Variants in SNX29 observed in about 807,000 individuals in gnomAD.
SNX29 encodes sorting nexin 29.
In SNX29, 78 loss-of-function variants were observed where a neutral mutation model predicts 102.1. The observed-to-expected ratio is 0.76, with a 90% CI of 0.64 to 0.92. The LOEUF (loss-of-function observed/expected upper bound fraction) is 0.92, where lower values mean the gene tolerates loss of function less well. Among genes scored for constraint, SNX29 ranks in the 40% least tolerant of loss-of-function variants. The probability of loss-of-function intolerance (pLI) is 0.00; values close to 1 mark genes in which losing one functional copy is unlikely to be tolerated. For missense variants in SNX29, 1,280 were observed against 1,061.7 expected, an observed-to-expected ratio of 1.21 and a Z score of -2.86; for synonymous variants, 580 against 414.5, an observed-to-expected ratio of 1.40 and a Z score of -4.85.
At chr16:12,187,994 A>T (rs748109469) in intron 13 of SNX29, among the ~76,000 whole-genome samples, 6 of 152,124 alleles carry the variant, frequency 3.9e-5, no homozygotes, top group Non-Finnish European at 5.9e-5. Flanking sequence ...GGGGAAGAGG[A>T]CTCAGTCGTT....
Position 12,423,989 on chromosome 16 carries a change from T to A in SNX29, c.2037+20460T>A, listed in dbSNP as rs79525972. ...CTGTTTCTCACCAGAGAGTGTGAGG[T>A]CCATGAAGTGAAGTTCTAAGCATAT... On this transcript the variant is annotated intron_variant, in intron 18 of 20. Coordinates refer to ENST00000566228, the MANE Select transcript of SNX29 (RefSeq NM_032167.5). 3.7e-3 allele frequency among the ~76,000 whole-genome samples: 562 copies of A among 152,248 alleles called. 5 individuals are homozygous for A. The highest frequency in any genetic ancestry group is 0.037 in the East Asian group (189 of 5,176).
chr16:12,057,432 T>C (rs2050565519), intron 8 of SNX29, among the ~76,000 whole-genome samples: 1 of 152,102 alleles, frequency 6.6e-6, no homozygotes, highest in African/African-American at 2.4e-5. Flanking sequence ...GCTGACCTCA[T>C]AGACAGCTGG....
intron 15 of SNX29, among the ~76,000 whole-genome samples, chr16:12,299,354 C>T (rs527499194): frequency 1.3e-5 from 2 of 152,258 alleles, no homozygotes; most frequent in South Asian, 4.1e-4. Context: ...TTTTCCAGTT[C>T]ATCACAGTAA....
chr16:12,099,251 C>T (rs1009129572), intron 11 of SNX29, among the ~76,000 whole-genome samples: 5 of 152,164 alleles, frequency 3.3e-5, no homozygotes, highest in Admixed American at 6.5e-5. Flanking sequence ...TCTGAGTCTG[C>T]GAGGTGGTCA....
chr16:12,135,044 G>C (rs532625658), intron 13 of SNX29, among the ~76,000 whole-genome samples: 7 of 152,168 alleles, frequency 4.6e-5, no homozygotes, highest in African/African-American at 1.7e-4. Flanking sequence ...CAGGAGTGCC[G>C]AGGGCAGGGG....
intron 20 of SNX29, among the ~76,000 whole-genome samples, chr16:12,538,907 C>G (rs542136773): frequency 1.9e-5 from 2 of 104,968 alleles, no homozygotes; most frequent in Non-Finnish European, 3.5e-5. Context: ...ATGACCTGTT[C>G]TAAGTGGGAG....
chr16:12,553,916 C>T (rs1163541660), intron 20 of SNX29, among the ~76,000 whole-genome samples: 3 of 152,160 alleles, frequency 2.0e-5, no homozygotes, highest in East Asian at 1.9e-4. Flanking sequence ...TGATCTCCGC[C>T]TCCTGGGTTC....
intron 18 of SNX29, among the ~76,000 whole-genome samples, chr16:12,454,756 G>T (rs778844409): frequency 1.3e-5 from 2 of 151,902 alleles, no homozygotes; most frequent in Admixed American, 6.6e-5. Flanking sequence ...GTCTCACCCT[G>T]TCACCCAGGC....
intron 14 of SNX29, among the ~76,000 whole-genome samples, chr16:12,225,581 C>T (rs965779918): frequency 6.6e-6 from 1 of 152,216 alleles, no homozygotes; most frequent in African/African-American, 2.4e-5. Flanking sequence ...TCCATTAGAC[C>T]TCTCTCTTTT....
intron 17 of SNX29, among the ~76,000 whole-genome samples, chr16:12,402,236 C>G (rs1288747166): frequency 6.6e-6 from 1 of 152,170 alleles, no homozygotes; most frequent in African/African-American, 2.4e-5. Context: ...AGAAGAAATG[C>G]TATTTCAGGA....
chr16:12,237,983 C>G (rs571588913), intron 14 of SNX29, among the ~76,000 whole-genome samples: 1 of 152,136 alleles, frequency 6.6e-6, no homozygotes, highest in Non-Finnish European at 1.5e-5. Context: ...ACAGAAGCAA[C>G]GACGCTGGCA....
chr16:12,365,121 C>T (rs1488216950), intron 16 of SNX29, among the ~76,000 whole-genome samples: 1 of 152,100 alleles, frequency 6.6e-6, no homozygotes, highest in South Asian at 2.1e-4. Flanking sequence ...CTCTTTTGTT[C>T]CATACCACCA....
chr16:12,440,039 G>C (rs566680421), intron 18 of SNX29, among the ~76,000 whole-genome samples: 91 of 152,248 alleles, frequency 6.0e-4, no homozygotes, highest in Non-Finnish European at 1.1e-3. Context: ...TCGCCTCTTA[G>C]AGTCTCATGT....
At chr16:11,982,654 C>T (rs1420049005) in intron 1 of SNX29, among the ~76,000 whole-genome samples, 1 of 152,078 alleles carries the variant, frequency 6.6e-6, no homozygotes, top group East Asian at 1.9e-4. Flanking sequence ...CGGTCTCGAT[C>T]TCCTGACCTC....
At chr16:12,048,844 T>C (rs1438374935) in intron 7 of SNX29, among the ~76,000 whole-genome samples, 2 of 152,114 alleles carry the variant, frequency 1.3e-5, no homozygotes, top group African/African-American at 4.8e-5. Flanking sequence ...AGCTCAACCA[T>C]AGCAAACGGA....
chr16:12,477,958 T>A, intron 19 of SNX29, 99 bp downstream of exon 19: 2 of 1,358,902 alleles, frequency 1.5e-6, no homozygotes, highest in Non-Finnish European at 1.9e-6. Flanking sequence ...ACATGCTCCT[T>A]AAAGAAAAGT....
intron 12 of SNX29, among the ~76,000 whole-genome samples, chr16:12,127,707 C>T (rs2054278689): frequency 6.6e-6 from 1 of 152,174 alleles, no homozygotes; most frequent in South Asian, 2.1e-4. Flanking sequence ...TAGACGTGAG[C>T]CACTGTGCCT....
chr16:12,221,208 C>T (rs990371185), intron 14 of SNX29, among the ~76,000 whole-genome samples: 4 of 151,834 alleles, frequency 2.6e-5, no homozygotes, highest in Non-Finnish European at 5.9e-5. Flanking sequence ...CACTGATACG[C>T]AGCAGGCTGA....
intron 20 of SNX29, among the ~76,000 whole-genome samples, chr16:12,549,344 A>G (rs1567174512): frequency 1.3e-5 from 2 of 152,110 alleles, no homozygotes; most frequent in Non-Finnish European, 1.5e-5. Flanking sequence ...AAAATACAAA[A>G]ATTAGCCATG....
Sources: allele counts gnomAD v4.1 joint callset (sites outside exome capture counted in the v4.1 genomes callset), GRCh38; gene constraint gnomAD v4.1.1; transcripts MANE v1.5; gene names NCBI Gene and HGNC (gene_info 2026-07-23, HGNC 2026-07-21).